The following CACNA2D3 variants were observed in gnomAD, a reference collection of about 807,000 sequenced individuals.
The protein encoded by CACNA2D3 is calcium voltage-gated channel auxiliary subunit alpha2delta 3, also known as voltage-dependent calcium channel subunit alpha-2/delta-3.
A neutral mutation model predicts 160.6 loss-of-function variants in CACNA2D3; 60 were observed. The observed-to-expected ratio is 0.37, with a 90% CI of 0.30 to 0.46. CACNA2D3 has a LOEUF of 0.46. CACNA2D3 is among the 20% of genes least tolerant of loss of function. The pLI, the probability that CACNA2D3 is intolerant of heterozygous loss-of-function variation, is 1.00. For missense variants in CACNA2D3, 1,205 were observed against 1,365.0 expected, an observed-to-expected ratio of 0.88 and a Z score of 1.85; for synonymous variants, 558 against 492.9, an observed-to-expected ratio of 1.13 and a Z score of -1.75.
chr3:54,273,989 G>A (rs1372941543), intron 2 of CACNA2D3, among the ~76,000 whole-genome samples: 2 of 150,524 alleles, frequency 1.3e-5, no homozygotes, highest in African/African-American at 5.0e-5. Flanking sequence ...TAGGTCCTGT[G>A]AGATGTTTGA....
rs530947419 is a variant in CACNA2D3, at chr3:54,227,586, G to A, written c.205-92856G>A. ...GGAGGGGGCGGGGGGGCAGAGTCTC[G>A]CTCTGTCGCCTAGGCTGGAGTGCAG... On this transcript the variant is annotated intron_variant, in intron 2 of 37. Transcript: ENST00000474759. Among the ~76,000 whole-genome samples the A allele has an allele frequency of 6.6e-5, 10 of 152,064 alleles. No individual in the cohort carries two copies. The South Asian group carries it at 1.2e-3, about 19-fold the overall frequency.
intron 9 of CACNA2D3, among the ~76,000 whole-genome samples, chr3:54,598,340 G>GA (rs1702999009): frequency 7.7e-6 from 1 of 129,734 alleles, no homozygotes; most frequent in African/African-American, 2.9e-5. Context: ...AAAGAAGAAA[G>GA]GAAAAAAAAG....
intron 34 of CACNA2D3, among the ~76,000 whole-genome samples, 179 bp downstream of exon 34, chr3:55,009,622 C>T (rs1374304113): frequency 6.6e-6 from 1 of 152,302 alleles, no homozygotes; most frequent in Non-Finnish European, 1.5e-5. Flanking sequence ...TAGTCTGACA[C>T]AGAATTCCAC....
At chr3:54,864,654 G>A (rs532516178) in intron 17 of CACNA2D3, among the ~76,000 whole-genome samples, 1 of 152,204 alleles carries the variant, frequency 6.6e-6, no homozygotes, top group African/African-American at 2.4e-5. Flanking sequence ...TGGTAACAGA[G>A]ACAAGACCGG....
At chr3:54,471,086 C>T (rs947994864) in intron 4 of CACNA2D3, among the ~76,000 whole-genome samples, 3 of 152,182 alleles carry the variant, frequency 2.0e-5, no homozygotes, top group African/African-American at 4.8e-5. Context: ...GAACTCTCCA[C>T]CCCAAATAAA....
chr3:54,404,865 A>C (rs1425968436), intron 4 of CACNA2D3, among the ~76,000 whole-genome samples: 2 of 152,088 alleles, frequency 1.3e-5, no homozygotes, highest in Non-Finnish European at 2.9e-5. Flanking sequence ...TCTCATTTCT[A>C]ATAGCATCAA....
At chr3:54,218,243 A>G (rs1363777750) in intron 2 of CACNA2D3, among the ~76,000 whole-genome samples, 1 of 152,146 alleles carries the variant, frequency 6.6e-6, no homozygotes, top group Non-Finnish European at 1.5e-5. Context: ...CAGGGGCTGG[A>G]CTGGCCACCT....
chr3:54,682,760 C>G (rs1327575087), intron 11 of CACNA2D3, among the ~76,000 whole-genome samples: 1 of 152,114 alleles, frequency 6.6e-6, no homozygotes, highest in African/African-American at 2.4e-5. Flanking sequence ...AGATTAAAAT[C>G]TAATCTTCCC....
At chr3:54,309,758 G>A (rs955469953) in intron 2 of CACNA2D3, among the ~76,000 whole-genome samples, 10 of 150,826 alleles carry the variant, frequency 6.6e-5, no homozygotes, top group South Asian at 2.1e-4. Context: ...TTAAAAGCAC[G>A]CTGAGGAAAC....
intron 13 of CACNA2D3, among the ~76,000 whole-genome samples, chr3:54,811,038 G>A (rs1485616628): frequency 6.6e-6 from 1 of 152,064 alleles, no homozygotes; most frequent in Non-Finnish European, 1.5e-5. Flanking sequence ...ATTGAGTCCT[G>A]GGCTCTCGCT....
intron 11 of CACNA2D3, among the ~76,000 whole-genome samples, chr3:54,646,452 A>G (rs1399412313): frequency 6.6e-6 from 1 of 151,654 alleles, no homozygotes; most frequent in African/African-American, 2.4e-5. Context: ...CCATGTGTCC[A>G]TGTGTTCTCA....
intron 3 of CACNA2D3, among the ~76,000 whole-genome samples, chr3:54,369,215 T>TAAACAAAC (rs146527251): frequency 8.6e-5 from 13 of 151,512 alleles, no homozygotes; most frequent in African/African-American, 3.2e-4. Flanking sequence ...ATTGTCCTCT[T>TAAACAAAC]AAACAAACAA....
chr3:54,513,774 G>A (rs764488105), intron 5 of CACNA2D3, among the ~76,000 whole-genome samples: 2 of 152,140 alleles, frequency 1.3e-5, no homozygotes, highest in Non-Finnish European at 2.9e-5. Context: ...TCTGCCTCCT[G>A]GGTTCAAGTG....
At chr3:54,878,678 G>A (rs1437058442) in intron 18 of CACNA2D3, 1 of 179,162 alleles carries the variant, frequency 5.6e-6, no homozygotes, top group Non-Finnish European at 1.1e-5. Flanking sequence ...TACCCTTTTT[G>A]AAAACGTACC....
intron 11 of CACNA2D3, among the ~76,000 whole-genome samples, chr3:54,676,364 C>G (rs1700244077): frequency 6.6e-6 from 1 of 152,098 alleles, no homozygotes; most frequent in African/African-American, 2.4e-5. Context: ...TGGGACCTGT[C>G]TTGTGTCTCT....
intron 5 of CACNA2D3, among the ~76,000 whole-genome samples, chr3:54,546,222 A>G (rs1449813316): frequency 6.6e-6 from 1 of 152,210 alleles, no homozygotes; most frequent in African/African-American, 2.4e-5. Context: ...AGAAATAAAG[A>G]CAGAAACCAG....
intron 13 of CACNA2D3, among the ~76,000 whole-genome samples, chr3:54,775,630 T>C (rs942622388): frequency 6.6e-6 from 1 of 152,188 alleles, no homozygotes; most frequent in East Asian, 1.9e-4. Context: ...AAGATGGCTA[T>C]GGGGATTGGC....
chr3:54,979,807 T>A (rs1844930), intron 29 of CACNA2D3, among the ~76,000 whole-genome samples: 26,262 of 152,084 alleles, frequency 0.17, 2,467 homozygotes, highest in East Asian at 0.3. Flanking sequence ...CAGAGTTCTA[T>A]AGTTGATTAT....
At chr3:54,814,335 A>G (rs1703402131) in intron 13 of CACNA2D3, among the ~76,000 whole-genome samples, 1 of 152,134 alleles carries the variant, frequency 6.6e-6, no homozygotes, top group African/African-American at 2.4e-5. Context: ...ATTCCACTTT[A>G]CAGGCAAGCA....
Sources: allele counts gnomAD v4.1 joint callset (sites outside exome capture counted in the v4.1 genomes callset), GRCh38; gene constraint gnomAD v4.1.1; transcripts MANE v1.5; gene names NCBI Gene and HGNC (gene_info 2026-07-23, HGNC 2026-07-21).